Variants in DNAH3 observed in about 807,000 individuals in gnomAD.
DNAH3 encodes axonemal beta dynein heavy chain 3.
A neutral mutation model predicts 432.5 loss-of-function variants in DNAH3; 332 were observed. The observed-to-expected ratio is 0.77, with a 90% CI of 0.70 to 0.84. The LOEUF (loss-of-function observed/expected upper bound fraction) is 0.84. DNAH3 is among the 40% of genes least tolerant of loss of function. The probability of loss-of-function intolerance (pLI) is 0.00; values close to 1 mark genes in which losing one functional copy is unlikely to be tolerated. For synonymous variants in DNAH3, 1,956 were observed against 1,900.2 expected (o/e 1.03, Z -0.76); for missense variants, 4,861 against 5,114.0 (o/e 0.95, Z 1.51).
At chr16:21,040,792 G>C (rs77250350) in intron 32 of DNAH3, among the ~76,000 whole-genome samples, 5,132 of 152,242 alleles carry the variant, frequency 0.034, 122 homozygotes, top group Middle Eastern at 0.068. Context: ...GTTATCATGA[G>C]AATAAATGAT....
chr16:21,090,655 T>C (rs1420524713), intron 18 of DNAH3, among the ~76,000 whole-genome samples: 2 of 152,100 alleles, frequency 1.3e-5, no homozygotes, highest in Non-Finnish European at 2.9e-5. Context: ...AGACAAATAC[T>C]GTATGATCTC....
At chr16:20,948,712 G>A (rs1328818823) in intron 56 of DNAH3, 75 bp from the exon 57 acceptor site, 12 of 1,510,768 alleles carry the variant, frequency 7.9e-6, no homozygotes, top group African/African-American at 6.8e-5. Flanking sequence ...TGTAAAACAC[G>A]GCATTCTTCC....
intron 41 of DNAH3, among the ~76,000 whole-genome samples, chr16:21,010,907 TTTTTG>T (rs1010685978): frequency 6.6e-6 from 1 of 151,998 alleles, no homozygotes; most frequent in East Asian, 1.9e-4. Context: ...TTTTTGTTTT[TTTTTG>T]TTTTGTTTTG....
chr16:21,052,748 C>T (rs149981771), intron 28 of DNAH3, among the ~76,000 whole-genome samples: 156 of 152,344 alleles, frequency 1.0e-3, no homozygotes, highest in African/African-American at 3.6e-3. Context: ...AGCCAGAGAG[C>T]TTTGCAATGC....
chr16:21,047,676 C>T (rs1015502862), intron 31 of DNAH3, among the ~76,000 whole-genome samples: 1 of 152,140 alleles, frequency 6.6e-6, no homozygotes, highest in South Asian at 2.1e-4. Context: ...TCTCTCAGCT[C>T]GTCAAAGCCA....
At position 21,039,817 on chromosome 16, in the gene DNAH3, C is replaced by T. The variant is rs2089346015; in HGVS notation, c.4730+35G>A. The T allele has an allele frequency of 2.0e-6, 3 of 1,479,276 alleles. No individual in the cohort carries two copies. The South Asian group carries it at 3.4e-5, about 17-fold the overall frequency. 91.6% of individuals were successfully genotyped at this position (1,479,276 alleles called of 1,614,324 possible). The stretch of plus-strand genomic sequence containing the variant: ...CACGCAAAAAGCCGCTATTTAAAGT[C>T]CTTTAGAATGCACTGGAAAACCCAT... On this transcript the variant is annotated intron_variant, in intron 33 of 61. Transcript: ENST00000261383.
chr16:21,140,452 T>A, intron 5 of DNAH3, 84 bp downstream of exon 6: 1 of 1,420,370 alleles, frequency 7.0e-7, no homozygotes, highest in Non-Finnish European at 9.7e-7. Flanking sequence ...CAGGTGATTC[T>A]GCTGTTCTCC....
At chr16:21,065,420 C>T (rs2090510288) in intron 24 of DNAH3, among the ~76,000 whole-genome samples, 1 of 152,102 alleles carries the variant, frequency 6.6e-6, no homozygotes, top group African/African-American at 2.4e-5. Context: ...TTCGGCCTCC[C>T]AAAGTGCTAG....
At chr16:21,111,525 A>T in intron 14 of DNAH3, 101 bp downstream of exon 14, 1 of 1,218,376 alleles carries the variant, frequency 8.2e-7, no homozygotes, top group East Asian at 2.4e-5. Flanking sequence ...TTGATCTAGA[A>T]AATAATCTGT....
chr16:21,154,402 C>G (rs1257657838), intron 1 of DNAH3, among the ~76,000 whole-genome samples: 1 of 116,536 alleles, frequency 8.6e-6, no homozygotes, highest in African/African-American at 3.3e-5. Context: ...GAGACTCTGT[C>G]TCAAAAAAAA....
At chr16:21,009,886 A>G (rs1297434093) in intron 41 of DNAH3, among the ~76,000 whole-genome samples, 1 of 141,132 alleles carries the variant, frequency 7.1e-6, no homozygotes, top group Non-Finnish European at 1.5e-5. Flanking sequence ...CTCTGTCAAG[A>G]AAAGAAAAGA....
intron 59 of DNAH3, among the ~76,000 whole-genome samples, chr16:20,937,374 G>A (rs535082668): frequency 3.9e-5 from 6 of 152,048 alleles, no homozygotes; most frequent in South Asian, 2.1e-4. Flanking sequence ...TATTGTTGAC[G>A]TGTTATTTCT....
intron 11 of DNAH3, among the ~76,000 whole-genome samples, chr16:21,119,452 C>T (rs1429131054): frequency 2.0e-5 from 3 of 151,822 alleles, no homozygotes; most frequent in East Asian, 1.9e-4. Flanking sequence ...GGCAACGTGG[C>T]GGAACCCTGT....
At chr16:21,125,617 T>C (rs187836306) in intron 8 of DNAH3, among the ~76,000 whole-genome samples, 5 of 152,274 alleles carry the variant, frequency 3.3e-5, no homozygotes, top group Admixed American at 6.5e-5. Flanking sequence ...GGGATATTGG[T>C]GGCACATCCT....
At chr16:20,977,619 G>A (rs1228148430) in intron 50 of DNAH3, among the ~76,000 whole-genome samples, 2 of 152,160 alleles carry the variant, frequency 1.3e-5, no homozygotes, top group East Asian at 3.8e-4. Flanking sequence ...CATAGGTTTT[G>A]GAGTCATGCA....
intron 19 of DNAH3, 108 bp downstream of exon 19, chr16:21,086,741 C>A: frequency 1.0e-6 from 1 of 998,182 alleles, no homozygotes; most frequent in Non-Finnish European, 1.5e-6. Flanking sequence ...ATAGAGTCTC[C>A]TTTCGGAAAG....
At chr16:21,053,837 CTCCTCCTCCTCT>C (rs770512313) in intron 28 of DNAH3, among the ~76,000 whole-genome samples, 6 of 151,822 alleles carry the variant, frequency 4.0e-5, no homozygotes, top group Non-Finnish European at 8.8e-5. Flanking sequence ...CCTCCTCCTC[CTCCTCCTCCTCT>C]TCCTCCTCCT....
intron 21 of DNAH3, among the ~76,000 whole-genome samples, chr16:21,072,404 G>A (rs1036426160): frequency 1.3e-5 from 2 of 152,142 alleles, no homozygotes; most frequent in Non-Finnish European, 2.9e-5. Flanking sequence ...TCAGCTCACT[G>A]CAACCTCTGC....
At chr16:20,954,222 CAAAA>C (rs11300288) in intron 55 of DNAH3, among the ~76,000 whole-genome samples, 6 of 116,592 alleles carry the variant, frequency 5.1e-5, no homozygotes, top group Admixed American at 8.7e-5. Flanking sequence ...GACCCTATCT[CAAAA>C]AAAAAAAAAA....
Sources: gnomAD v4.1 joint callset for allele counts (sites outside exome capture counted in the v4.1 genomes callset) on GRCh38, gnomAD v4.1.1 for gene constraint, MANE v1.5 for transcripts, NCBI Gene and HGNC (gene_info 2026-07-23, HGNC 2026-07-21) for gene names.